Variants in BCAR3 observed in about 807,000 individuals in gnomAD.
BCAR3 encodes BCAR3 adaptor protein, NSP family member, also known as breast cancer anti-estrogen resistance protein 3.
Under a neutral mutation model 80.1 loss-of-function variants are expected in BCAR3, and 37 were observed. The observed-to-expected ratio is 0.46, with a 90% CI of 0.36 to 0.61. The LOEUF is 0.61. Ranked by LOEUF, BCAR3 falls within the 20% of genes least tolerant of loss-of-function variation. The pLI, the probability that BCAR3 is intolerant of heterozygous loss-of-function variation, is 0.00. For missense variants in BCAR3, 978 were observed against 1,068.2 expected (o/e 0.92, Z 1.18); for synonymous variants, 389 against 418.9 (o/e 0.93, Z 0.87).
chr1:93,633,840 A>T (rs1420617190), intron 3 of BCAR3, among the ~76,000 whole-genome samples: 1 of 152,158 alleles, frequency 6.6e-6, no homozygotes, highest in African/African-American at 2.4e-5. Flanking sequence ...GGGCTTCACC[A>T]TGTTGGCCAA....
intron 2 of BCAR3, among the ~76,000 whole-genome samples, chr1:93,673,824 G>A (rs1368801735): frequency 2.0e-5 from 3 of 152,208 alleles, no homozygotes; most frequent in Non-Finnish European, 4.4e-5. Context: ...CTAAATATAA[G>A]GAGATATGGG....
At chr1:93,574,371 T>C (rs908310294) in intron 8 of BCAR3, among the ~76,000 whole-genome samples, 9 of 152,200 alleles carry the variant, frequency 5.9e-5, no homozygotes, top group African/African-American at 2.2e-4. Context: ...CATCAGGACC[T>C]CTATAACCTT....
Position 93,674,871 on chromosome 1 carries a change from G to A in BCAR3, c.60C>T (p.Pro20=), listed in dbSNP as rs1265971133. Residue 20 remains proline, a synonymous_variant, in exon 2 of 12, where the codon CCC becomes CCT. Coordinates refer to ENST00000260502, the MANE Select transcript of BCAR3 (RefSeq NM_003567.4). ...TCAGAAGGTCCATGGATGAGGCCAG[G>A]GGGAACTGGTGATTCACCGGCATGT... ...PRNMPVNHQF[P]LASSMDLLSS... 4.4e-6 allele frequency: 7 copies of A among 1,583,628 alleles called. No homozygotes were observed. The Admixed American group carries it at 1.2e-4, about 26-fold the overall frequency.
intron 3 of BCAR3, among the ~76,000 whole-genome samples, chr1:93,705,821 TATC>T (rs1253088770): frequency 1.3e-5 from 2 of 151,578 alleles, no homozygotes; most frequent in Non-Finnish European, 2.9e-5. Flanking sequence ...TCAGCTATGA[TATC>T]ATATTGTCAT....
chr1:93,836,405 T>TA, intron 2 of BCAR3, among the ~76,000 whole-genome samples: 1 of 151,568 alleles, frequency 6.6e-6, no homozygotes, highest in South Asian at 2.1e-4. Context: ...TTGGACCTCG[T>TA]GTCTTCCATT....
At position 93,589,193 on chromosome 1, in the gene BCAR3, C is replaced by T. The variant is rs137969427; in HGVS notation, c.713G>A (p.Arg238His). 5,017 of 1,613,692 alleles carry T rather than the reference C, an allele frequency of 3.1e-3. 17 individuals carry two copies. The highest frequency in any genetic ancestry group is 4.2e-3 in the South Asian group (386 of 91,026). The change falls in exon 5 of 12, where the codon CGC becomes CAC. Residue 238 changes from arginine to histidine, a missense_variant. Transcript: ENST00000260502. ...GCCACTCTGCTGGGAGATGGGCCGG[C>T]GGTTGCCCACGTAGCAGCGCACCAG... ...PGLVRCYVGN[R>H]RPISQQSGAI...
chr1:93,723,946 T>G (rs1250926612), intron 2 of BCAR3, among the ~76,000 whole-genome samples: 1 of 152,186 alleles, frequency 6.6e-6, no homozygotes, highest in East Asian at 1.9e-4. Context: ...AATTCCATTA[T>G]GAAAGAGAAG....
At chr1:93,769,355 ATGTGTGTGTGTGTGTGTG>A (rs59798936) in intron 2 of BCAR3, among the ~76,000 whole-genome samples, 58 of 119,918 alleles carry the variant, frequency 4.8e-4, no homozygotes, top group East Asian at 1.5e-3. Context: ...GTGGGTAGGA[ATGTGTGTGTGTGTGTGTG>A]TGTGTGTGTG....
chr1:93,691,361 G>A (rs1649180373), intron 3 of BCAR3, among the ~76,000 whole-genome samples: 1 of 152,246 alleles, frequency 6.6e-6, no homozygotes, highest in South Asian at 2.1e-4. Context: ...CTGCACTTCA[G>A]AGCTAAATCG....
At chr1:93,742,095 C>G (rs528547068) in intron 2 of BCAR3, among the ~76,000 whole-genome samples, 1 of 152,290 alleles carries the variant, frequency 6.6e-6, no homozygotes, top group African/African-American at 2.4e-5. Flanking sequence ...AACAGTGTTC[C>G]TCACTCCTAA....
chr1:93,632,747 T>C (rs1445697880), intron 3 of BCAR3, among the ~76,000 whole-genome samples: 1 of 152,152 alleles, frequency 6.6e-6, no homozygotes, highest in Non-Finnish European at 1.5e-5. Context: ...CACTCTTCTT[T>C]TGATTTTTAA....
chr1:93,630,545 G>A (rs1262905300), intron 3 of BCAR3, among the ~76,000 whole-genome samples: 1 of 152,144 alleles, frequency 6.6e-6, no homozygotes, highest in Non-Finnish European at 1.5e-5. Flanking sequence ...GAAGTGGGAG[G>A]ATGGCTTGAG....
In BCAR3 at chr1:93,562,283, C is replaced by G. The variant is rs150172728; in HGVS notation, c.2436G>C (p.Ser812=). The change falls in exon 12 of 12, where the codon TCG becomes TCC. Residue 812 remains serine, a synonymous_variant. Transcript: ENST00000260502. ...TTACAGGAGGAGGTTCCAATTTACG[C>G]GAGAGGGCAGTTAAAATCTGGTTGA... ...EKFNQILTAL[S]RKLEPPPVKQ... 206 of 1,613,942 alleles carry G rather than the reference C, an allele frequency of 1.3e-4. No individual in the cohort carries two copies. In the African/African-American group the frequency reaches 2.4e-3, roughly 19 times the overall value.
intron 5 of BCAR3, among the ~76,000 whole-genome samples, chr1:93,588,672 C>G (rs1307076731): frequency 6.6e-6 from 1 of 151,590 alleles, no homozygotes; most frequent in East Asian, 1.9e-4. Flanking sequence ...CCTGGAACAC[C>G]CCCAGCCCTT....
At chr1:93,744,677 G>C (rs1038246819) in intron 2 of BCAR3, among the ~76,000 whole-genome samples, 1 of 152,110 alleles carries the variant, frequency 6.6e-6, no homozygotes, top group African/African-American at 2.4e-5. Flanking sequence ...TCATAAAGGG[G>C]ACCAAGCCTG....
chr1:93,753,898 T>C (rs564465270), intron 2 of BCAR3: 12 of 142,642 alleles, frequency 8.4e-5, no homozygotes, highest in African/African-American at 1.9e-4. Flanking sequence ...CACACACACA[T>C]GCACCCTTCT....
At chr1:93,648,264 G>C (rs574117213) in intron 2 of BCAR3, among the ~76,000 whole-genome samples, 1 of 152,182 alleles carries the variant, frequency 6.6e-6, no homozygotes, top group African/African-American at 2.4e-5. Context: ...GGGCTTATGA[G>C]GTGAGGGTTG....
At chr1:93,786,414 T>C (rs1291991184) in intron 2 of BCAR3, among the ~76,000 whole-genome samples, 1 of 151,968 alleles carries the variant, frequency 6.6e-6, no homozygotes, top group Non-Finnish European at 1.5e-5. Context: ...GTAAACTATC[T>C]CGAAAGTGGG....
At chr1:93,814,785 G>A (rs1557697153) in intron 2 of BCAR3, among the ~76,000 whole-genome samples, 1 of 152,198 alleles carries the variant, frequency 6.6e-6, no homozygotes. Flanking sequence ...GAGAGGAGGC[G>A]CATACATCCC....
Sources: gnomAD v4.1 joint callset for allele counts (sites outside exome capture counted in the v4.1 genomes callset) on GRCh38, gnomAD v4.1.1 for gene constraint, MANE v1.5 for transcripts, NCBI Gene and HGNC (gene_info 2026-07-23, HGNC 2026-07-21) for gene names.